Variants in TSPAN15 observed in about 807,000 individuals in gnomAD.
TSPAN15 encodes the protein tetraspanin 15.
Under a neutral mutation model 34.5 loss-of-function variants are expected in TSPAN15, and 20 were observed. The observed-to-expected ratio is 0.58, with a 90% confidence interval of 0.41 to 0.84. The LOEUF (loss-of-function observed/expected upper bound fraction) is 0.84. Among genes scored for constraint, TSPAN15 ranks in the 40% least tolerant of loss-of-function variants. TSPAN15 has a pLI of 0.00. For synonymous variants in TSPAN15, 155 were observed against 153.9 expected, an observed-to-expected ratio of 1.01 and a Z score of -0.05; for missense variants, 313 against 386.1, an observed-to-expected ratio of 0.81 and a Z score of 1.59.
At chr10:69,531,277 TAAG>T in the TSPAN15 span, among the ~76,000 whole-genome samples, 1 of 140,904 alleles carries the variant, frequency 7.1e-6, no homozygotes, top group East Asian at 3.0e-4. Flanking sequence ...TAAAAATAAA[TAAG>T]AAATACTGAG....
At chr10:69,462,167 T>TTTTG (rs1841280913) in intron 1 of TSPAN15, among the ~76,000 whole-genome samples, 1 of 140,660 alleles carries the variant, frequency 7.1e-6, no homozygotes, top group Non-Finnish European at 1.5e-5. Flanking sequence ...TTTTTTTTTT[T>TTTTG]TTTTTTTTTT....
the TSPAN15 span, among the ~76,000 whole-genome samples, chr10:69,548,790 A>G: frequency 6.6e-6 from 1 of 152,212 alleles, no homozygotes; most frequent in African/African-American, 2.4e-5. Flanking sequence ...AAGTAAGATA[A>G]AAAGATTCTT....
chr10:69,471,185 T>G (rs1291750553), intron 1 of TSPAN15, among the ~76,000 whole-genome samples: 1 of 152,258 alleles, frequency 6.6e-6, no homozygotes, highest in East Asian at 1.9e-4. Flanking sequence ...TGGTTTTCTT[T>G]CATTGCTCTC....
rs557110858 is a variant in TSPAN15, at chr10:69,497,029, T to G, written c.454-1251T>G. ...ACTCTATGTAATCACAGCTCAGCTG[T>G]GCAGAGCTGCCATCCTTATTCTTGC... On this transcript the variant is annotated intron_variant, in intron 4 of 7. Coordinates refer to ENST00000373290, the MANE Select transcript of TSPAN15 (RefSeq NM_012339.5). Among the ~76,000 whole-genome samples the G allele has an allele frequency of 2.2e-3, 338 of 152,346 alleles. 1 individual carries two copies. Among genetic ancestry groups the G allele is most frequent in the Non-Finnish European group, 3.6e-3 (242 of 68,026 alleles).
chr10:69,455,674 G>A (rs567542174), intron 1 of TSPAN15, among the ~76,000 whole-genome samples: 1 of 130,186 alleles, frequency 7.7e-6, no homozygotes, highest in South Asian at 2.6e-4. Context: ...ACTGAGAACA[G>A]TGACACAGTG....
chr10:69,460,478 C>T (rs1368375638), intron 1 of TSPAN15, among the ~76,000 whole-genome samples: 5 of 152,034 alleles, frequency 3.3e-5, no homozygotes, highest in Admixed American at 2.0e-4. Context: ...AGCTGGCAGC[C>T]ATCTCTGCCT....
intron 3 of TSPAN15, among the ~76,000 whole-genome samples, chr10:69,488,627 C>A (rs914556172): frequency 2.6e-5 from 4 of 152,198 alleles, no homozygotes; most frequent in Non-Finnish European, 5.9e-5. Context: ...AGCTGGGCCG[C>A]TGGGGGTGAC....
chr10:69,513,343 A>G, the TSPAN15 span, among the ~76,000 whole-genome samples: 1 of 152,258 alleles, frequency 6.6e-6, no homozygotes, highest in East Asian at 1.9e-4. Flanking sequence ...TATGATTTGA[A>G]AAATTTCAGT....
chr10:69,472,569 A>C (rs964216386), intron 1 of TSPAN15, among the ~76,000 whole-genome samples: 2 of 152,138 alleles, frequency 1.3e-5, no homozygotes, highest in Non-Finnish European at 2.9e-5. Flanking sequence ...GGAATCAGTG[A>C]GTGCTGCCTT....
chr10:69,455,557 C>T (rs1841072570), intron 1 of TSPAN15, among the ~76,000 whole-genome samples: 2 of 140,014 alleles, frequency 1.4e-5, no homozygotes, highest in African/African-American at 5.5e-5. Context: ...TTCTCTCTCT[C>T]TCTTTCTTTC....
chr10:69,475,201 C>G (rs372974891), intron 1 of TSPAN15, among the ~76,000 whole-genome samples: 4 of 152,118 alleles, frequency 2.6e-5, no homozygotes, highest in Non-Finnish European at 5.9e-5. Flanking sequence ...TGTGGTTCTC[C>G]GATTAACCAT....
chr10:69,507,695 G>A, downstream of TSPAN15: 8 of 1,190,218 alleles, frequency 6.7e-6, no homozygotes, highest in Non-Finnish European at 8.4e-6. Context: ...GTGCTGTTTT[G>A]TTGGGGCGGG....
the TSPAN15 span, among the ~76,000 whole-genome samples, chr10:69,520,478 G>GGGACCCCATCTCTACATAGA: frequency 6.6e-6 from 1 of 152,090 alleles, no homozygotes; most frequent in East Asian, 1.9e-4. Flanking sequence ...GGCAACATAG[G>GGGACCCCATCTCTACATAGA]GGACCCCATC....
At position 69,483,841 on chromosome 10, in the gene TSPAN15, G is replaced by A. The variant is rs1841790590; in HGVS notation, c.247G>A (p.Ala83Thr). The A allele has an allele frequency of 6.2e-7, 1 of 1,613,876 alleles. No individual in the cohort carries two copies. Among genetic ancestry groups the A allele is most frequent in the South Asian group, 1.1e-5 (1 of 91,062 alleles). ...CATGGTCTCCTTCATTGGTGTGCTG[G>A]CGTCCCTCCGTGACAACCTGTACCT... ...MFMVSFIGVLASLRDNLYLLQ... is the reference protein window; with the variant it reads ...MFMVSFIGVLTSLRDNLYLLQ... The change falls in exon 2 of 8, where the codon GCG becomes ACG. Residue 83 changes from alanine to threonine, a missense_variant. Ala to Thr is a moderately conservative substitution (Grantham distance 58). Coordinates refer to ENST00000373290, the MANE Select transcript of TSPAN15 (RefSeq NM_012339.5).
chr10:69,534,062 G>A, the TSPAN15 span, among the ~76,000 whole-genome samples: 1 of 152,048 alleles, frequency 6.6e-6, no homozygotes. Context: ...AAATTCTCTG[G>A]TCATCTAGGC....
the TSPAN15 span, among the ~76,000 whole-genome samples, chr10:69,514,120 G>A: frequency 1.3e-5 from 2 of 152,158 alleles, no homozygotes; most frequent in African/African-American, 4.8e-5. Context: ...CTAGATGTTG[G>A]ATTTTGTCAA....
At chr10:69,484,574 C>A (rs1317483891) in intron 2 of TSPAN15, among the ~76,000 whole-genome samples, 1 of 152,194 alleles carries the variant, frequency 6.6e-6, no homozygotes, top group Non-Finnish European at 1.5e-5. Flanking sequence ...TATGGGAAGC[C>A]CCTACGATCC....
chr10:69,535,370 A>G, the TSPAN15 span, among the ~76,000 whole-genome samples: 1 of 152,222 alleles, frequency 6.6e-6, no homozygotes, highest in Non-Finnish European at 1.5e-5. Flanking sequence ...GGTAATAATT[A>G]TAATGGACTG....
the TSPAN15 span, among the ~76,000 whole-genome samples, chr10:69,524,556 C>CAT: frequency 6.8e-6 from 1 of 146,612 alleles, no homozygotes; most frequent in Non-Finnish European, 1.5e-5. Context: ...ACAAAACAGC[C>CAT]ATAAGCCTGC....
Sources: gnomAD v4.1 joint callset for allele counts (sites outside exome capture counted in the v4.1 genomes callset) on GRCh38, gnomAD v4.1.1 for gene constraint, MANE v1.5 for transcripts, NCBI Gene and HGNC (gene_info 2026-07-23, HGNC 2026-07-21) for gene names.